The following CACNA1D variants were observed in gnomAD, a reference collection of about 807,000 sequenced individuals.
CACNA1D encodes voltage-dependent L-type calcium channel subunit alpha-1D.
Under a neutral mutation model 257.1 loss-of-function variants are expected in CACNA1D, and 55 were observed. That is an observed-to-expected ratio of 0.21 (90% CI 0.17 to 0.27). The LOEUF is 0.27. Among genes scored for constraint, CACNA1D ranks in the 10% least tolerant of loss-of-function variants. The pLI, the probability that CACNA1D is intolerant of heterozygous loss-of-function variation, is 1.00. For synonymous variants in CACNA1D, 980 were observed against 1,014.9 expected, an observed-to-expected ratio of 0.97 and a Z score of 0.65; for missense variants, 1,876 against 2,784.0, an observed-to-expected ratio of 0.67 and a Z score of 7.34.
chr3:53,586,606 A>G (rs1458386023), intron 3 of CACNA1D, among the ~76,000 whole-genome samples: 2 of 152,182 alleles, frequency 1.3e-5, no homozygotes, highest in Admixed American at 6.5e-5. Flanking sequence ...TAACAGTAAC[A>G]ACGATTCTTT....
intron 44 of CACNA1D, among the ~76,000 whole-genome samples, chr3:53,804,509 A>T (rs535825125): frequency 6.6e-6 from 1 of 152,202 alleles, no homozygotes; most frequent in East Asian, 1.9e-4. Flanking sequence ...CCAGAAAAGA[A>T]AACCTCACGA....
chr3:53,591,363 C>CCAGG (rs2093302419), intron 3 of CACNA1D, among the ~76,000 whole-genome samples: 1 of 152,206 alleles, frequency 6.6e-6, no homozygotes, highest in Non-Finnish European at 1.5e-5. Context: ...AGTGATTCTC[C>CCAGG]TGCTTCAGCC....
chr3:53,585,010 T>TA (rs1304072932), intron 3 of CACNA1D, among the ~76,000 whole-genome samples: 1 of 151,222 alleles, frequency 6.6e-6, no homozygotes, highest in Non-Finnish European at 1.5e-5. Flanking sequence ...GCCTTTTCTT[T>TA]ATGCTACTTG....
At chr3:53,615,203 G>A (rs577944225) in intron 3 of CACNA1D, among the ~76,000 whole-genome samples, 3 of 152,278 alleles carry the variant, frequency 2.0e-5, no homozygotes, top group African/African-American at 7.2e-5. Flanking sequence ...TCTTCACCTG[G>A]TAGAGGGACC....
intron 8 of CACNA1D, among the ~76,000 whole-genome samples, chr3:53,686,400 A>G (rs961957893): frequency 6.6e-6 from 1 of 152,120 alleles, no homozygotes; most frequent in Non-Finnish European, 1.5e-5. Context: ...CAAAGACATA[A>G]TAAGCACAGT....
intron 3 of CACNA1D, among the ~76,000 whole-genome samples, chr3:53,619,654 T>C (rs1322481721): frequency 1.3e-5 from 2 of 152,172 alleles, no homozygotes; most frequent in Non-Finnish European, 2.9e-5. Flanking sequence ...TTCCTCGGCA[T>C]TGGGACCCTG....
intron 3 of CACNA1D, among the ~76,000 whole-genome samples, chr3:53,509,659 G>A (rs550704283): frequency 9.6e-4 from 146 of 152,188 alleles, no homozygotes; most frequent in Admixed American, 4.5e-3. Context: ...GTGGGATCCC[G>A]GTCTTGGCTG....
intron 43 of CACNA1D, 141 bp from the exon 44 acceptor site, chr3:53,803,282 T>C: frequency 5.8e-6 from 5 of 857,478 alleles, no homozygotes; most frequent in Non-Finnish European, 7.8e-6. Flanking sequence ...GCCGGAACAG[T>C]CCAGTGCTGC....
chr3:53,781,153 A>G (rs976236505), intron 38 of CACNA1D, among the ~76,000 whole-genome samples: 1 of 152,226 alleles, frequency 6.6e-6, no homozygotes, highest in African/African-American at 2.4e-5. Context: ...GTAGGAATTG[A>G]GAGTCTTATT....
At chr3:53,675,049 C>G (rs868345348) in intron 8 of CACNA1D, among the ~76,000 whole-genome samples, 1 of 152,216 alleles carries the variant, frequency 6.6e-6, no homozygotes, top group Non-Finnish European at 1.5e-5. Flanking sequence ...TCTCGGCTTC[C>G]TTTCTGCATC....
At chr3:53,516,675 T>C (rs1485452787) in intron 3 of CACNA1D, among the ~76,000 whole-genome samples, 1 of 152,224 alleles carries the variant, frequency 6.6e-6, no homozygotes, top group Middle Eastern at 3.2e-3. Flanking sequence ...TGGAAGTATG[T>C]TCCCCTCTGT....
At chr3:53,541,226 G>A (rs1293878487) in intron 3 of CACNA1D, among the ~76,000 whole-genome samples, 5 of 152,168 alleles carry the variant, frequency 3.3e-5, no homozygotes, top group Middle Eastern at 3.2e-3. Context: ...TTTACTCCCA[G>A]TTAATTCATG....
In CACNA1D at chr3:53,670,223, G is replaced by A. The variant is rs576267663; in HGVS notation, c.1117-2800G>A. On this transcript the variant is annotated intron_variant, in intron 7 of 47. Coordinates refer to ENST00000350061, the MANE Select transcript of CACNA1D (RefSeq NM_001128840.3). ...GCCGAGGGCTTGCCTTTTTCTTATT[G>A]CATGCTCTGGGGTGTTAAAACCAGT... Among the ~76,000 whole-genome samples, 8 of 152,242 alleles carry A rather than the reference G, an allele frequency of 5.3e-5. No homozygotes were observed. In the South Asian group the frequency reaches 1.7e-3, roughly 32 times the overall value.
intron 3 of CACNA1D, among the ~76,000 whole-genome samples, chr3:53,573,705 A>G (rs1215736836): frequency 6.6e-6 from 1 of 152,224 alleles, no homozygotes; most frequent in Non-Finnish European, 1.5e-5. Flanking sequence ...TTGTATGTCC[A>G]GTATCTCGAA....
At chr3:53,674,080 T>G (rs947793941) in intron 8 of CACNA1D, 2 of 559,386 alleles carry the variant, frequency 3.6e-6, no homozygotes, top group Admixed American at 3.0e-5. Flanking sequence ...CGTGTAGAGG[T>G]GGATTACAAG....
intron 3 of CACNA1D, among the ~76,000 whole-genome samples, chr3:53,524,693 G>T (rs1468556261): frequency 6.6e-6 from 1 of 152,176 alleles, no homozygotes; most frequent in Non-Finnish European, 1.5e-5. Context: ...ATGGGCCTAA[G>T]TTTCTCTGGT....
chr3:53,665,884 T>A, intron 6 of CACNA1D, 72 bp downstream of exon 6: 1 of 1,260,172 alleles, frequency 7.9e-7, no homozygotes, highest in Non-Finnish European at 1.2e-6. Context: ...TTTCATGGTT[T>A]GGGGAAAATC....
At position 53,695,289 on chromosome 3, in the gene CACNA1D, T is replaced by C. The variant is rs145597961; in HGVS notation, c.1221-7352T>C. 1.8e-3 allele frequency among the ~76,000 whole-genome samples: 277 copies of C among 152,252 alleles called. 1 individual carries two copies. The highest frequency in any genetic ancestry group is 6.4e-3 in the African/African-American group (266 of 41,558). On this transcript the variant is annotated intron_variant, in intron 8 of 47. Coordinates refer to ENST00000350061, the MANE Select transcript of CACNA1D (RefSeq NM_001128840.3). Reference sequence around the variant, plus strand: ...AGTCCATCTCTACTGAGGATCCCTGTCTGGGGAAGTTGCTGCATCCCAGGG... The same window carrying C: ...AGTCCATCTCTACTGAGGATCCCTGCCTGGGGAAGTTGCTGCATCCCAGGG...
intron 3 of CACNA1D, among the ~76,000 whole-genome samples, chr3:53,620,431 C>T (rs1306436809): frequency 6.6e-6 from 1 of 152,122 alleles, no homozygotes; most frequent in African/African-American, 2.4e-5. Flanking sequence ...GCTAGGACTA[C>T]AGGCACACCA....
Sources: allele counts gnomAD v4.1 joint callset (sites outside exome capture counted in the v4.1 genomes callset), GRCh38; gene constraint gnomAD v4.1.1; transcripts MANE v1.5; gene names NCBI Gene and HGNC (gene_info 2026-07-23, HGNC 2026-07-21).